The following CACNA1E variants were observed in gnomAD, a reference collection of about 807,000 sequenced individuals.
CACNA1E encodes voltage-dependent R-type calcium channel subunit alpha-1E.
CACNA1E carries 40 observed loss-of-function variants against 259.2 expected under a neutral mutation model. The observed-to-expected ratio is 0.15, with a 90% CI of 0.12 to 0.20. The LOEUF is 0.20. CACNA1E is among the 10% of genes least tolerant of loss of function. CACNA1E has a pLI of 1.00. For synonymous variants in CACNA1E, 1,104 were observed against 1,138.5 expected, an observed-to-expected ratio of 0.97 and a Z score of 0.61; for missense variants, 1,874 against 3,040.1, an observed-to-expected ratio of 0.62 and a Z score of 9.02.
intron 25 of CACNA1E, among the ~76,000 whole-genome samples, chr1:181,748,339 A>G (rs1397391314): frequency 6.6e-6 from 1 of 152,210 alleles, no homozygotes; most frequent in African/African-American, 2.4e-5. Flanking sequence ...ATATGTGGTA[A>G]TACAATGAAT....
At chr1:181,441,262 C>T (rs1267400475) in intron 2 of CACNA1E, among the ~76,000 whole-genome samples, 1 of 152,162 alleles carries the variant, frequency 6.6e-6, no homozygotes, top group African/African-American at 2.4e-5. Context: ...ATTCTTCTGC[C>T]TCAGCAGAAG....
At chr1:181,404,974 A>G (rs1657362354) in intron 1 of CACNA1E, among the ~76,000 whole-genome samples, 1 of 152,216 alleles carries the variant, frequency 6.6e-6, no homozygotes. Context: ...CTAGGTGGCA[A>G]CTCAGACTGG....
chr1:181,506,673 G>A (rs1665736782), intron 1 of CACNA1E, among the ~76,000 whole-genome samples: 1 of 152,224 alleles, frequency 6.6e-6, no homozygotes, highest in Non-Finnish European at 1.5e-5. Flanking sequence ...TGGCATTTCA[G>A]CTTGGTCTTG....
chr1:181,676,380 T>G (rs1232447558), intron 7 of CACNA1E, among the ~76,000 whole-genome samples: 1 of 152,192 alleles, frequency 6.6e-6, no homozygotes, highest in African/African-American at 2.4e-5. Flanking sequence ...TACATATGTT[T>G]CCATAATATA....
At chr1:181,320,955 T>C (rs1392045449) in intron 1 of CACNA1E, among the ~76,000 whole-genome samples, 2 of 152,138 alleles carry the variant, frequency 1.3e-5, no homozygotes, top group Admixed American at 1.3e-4. Context: ...ACAAGAAGCA[T>C]GGTGCCAACA....
At chr1:181,763,372 G>T (rs746591369) in intron 33 of CACNA1E, 34 bp from the exon 34 acceptor site, 2 of 1,535,352 alleles carry the variant, frequency 1.3e-6, no homozygotes, top group Non-Finnish European at 1.8e-6. Flanking sequence ...TCACCATAAT[G>T]TTCCTAATTA....
At chr1:181,743,922 C>T (rs1215616048) in intron 25 of CACNA1E, among the ~76,000 whole-genome samples, 6 of 152,246 alleles carry the variant, frequency 3.9e-5, no homozygotes, top group Non-Finnish European at 7.3e-5. Flanking sequence ...TACCATGGCC[C>T]GTGCATCAGT....
rs1037090752 is a variant in CACNA1E, at chr1:181,806,733, A to G, written c.*7899A>G. 5 of 152,246 alleles carry G rather than the reference A, an allele frequency of 3.3e-5. No individual in the cohort carries two copies. The highest frequency in any genetic ancestry group is 1.2e-4 in the African/African-American group (5 of 41,462). The allele number at this position is 152,246 out of a possible 1,614,324, so 9.4% of individuals were successfully genotyped here. On this transcript the variant is annotated 3_prime_UTR_variant, in exon 48 of 48. Coordinates refer to ENST00000367573, the MANE Select transcript of CACNA1E (RefSeq NM_001205293.3). ...AATAAAAGAAAGATGAAAAACTTTAATGTTTTGGGGGGGATAAAAGAAAAG... is the reference window on the plus strand; with the variant it reads ...AATAAAAGAAAGATGAAAAACTTTAGTGTTTTGGGGGGGATAAAAGAAAAG...
chr1:181,721,192 A>C (rs1380161018), intron 15 of CACNA1E, among the ~76,000 whole-genome samples: 2 of 152,262 alleles, frequency 1.3e-5, no homozygotes, highest in South Asian at 2.1e-4. Flanking sequence ...CCATTTAATG[A>C]GGTATCCATT....
intron 3 of CACNA1E, among the ~76,000 whole-genome samples, chr1:181,549,385 A>G (rs2102828182): frequency 6.6e-6 from 1 of 152,358 alleles, no homozygotes; most frequent in South Asian, 2.1e-4. Flanking sequence ...AGGGCTGAAG[A>G]GAGAGGGATC....
intron 3 of CACNA1E, among the ~76,000 whole-genome samples, chr1:181,514,935 A>G (rs1027730170): frequency 6.6e-5 from 10 of 152,148 alleles, no homozygotes; most frequent in Non-Finnish European, 1.0e-4. Flanking sequence ...TCATAATGCC[A>G]TAGAAAAGAC....
At chr1:181,406,404 T>C (rs944573442) in intron 1 of CACNA1E, among the ~76,000 whole-genome samples, 29 of 152,266 alleles carry the variant, frequency 1.9e-4, no homozygotes, top group Non-Finnish European at 5.9e-5. Context: ...CTTTCTTTTT[T>C]TTCTTTTTTT....
chr1:181,482,027 G>A (rs1430263262), upstream of CACNA1E, among the ~76,000 whole-genome samples: 4 of 152,134 alleles, frequency 2.6e-5, no homozygotes, highest in African/African-American at 9.7e-5. Context: ...CCGGGAGGCC[G>A]CCCCGTGAGG....
intron 2 of CACNA1E, among the ~76,000 whole-genome samples, chr1:181,416,260 G>C (rs1658268281): frequency 1.3e-5 from 2 of 152,204 alleles, no homozygotes; most frequent in Non-Finnish European, 2.9e-5. Context: ...GGCCATCTTG[G>C]TTCCAACCGA....
intron 7 of CACNA1E, among the ~76,000 whole-genome samples, chr1:181,660,175 T>C (rs976180756): frequency 6.6e-6 from 1 of 152,254 alleles, no homozygotes; most frequent in African/African-American, 2.4e-5. Context: ...GGAATTCTTC[T>C]GGTTGCATCT....
intron 6 of CACNA1E, among the ~76,000 whole-genome samples, chr1:181,635,573 A>T (rs1349829416): frequency 6.6e-6 from 1 of 152,204 alleles, no homozygotes; most frequent in African/African-American, 2.4e-5. Context: ...TTTAGCAAGC[A>T]TCACCTAAAG....
chr1:181,482,796 TC>T (rs1475377959), upstream of CACNA1E, among the ~76,000 whole-genome samples: 1 of 152,224 alleles, frequency 6.6e-6, no homozygotes, highest in Non-Finnish European at 1.5e-5. Context: ...TGCAACCTGT[TC>T]CTCGCCCGCC....
intron 1 of CACNA1E, among the ~76,000 whole-genome samples, chr1:181,497,710 G>A (rs1425043871): frequency 1.3e-5 from 2 of 152,182 alleles, no homozygotes; most frequent in African/African-American, 4.8e-5. Context: ...ATGCTGCCTT[G>A]GGTTAGACCA....
intron 2 of CACNA1E, among the ~76,000 whole-genome samples, chr1:181,472,351 G>C (rs1042563429): frequency 6.6e-6 from 1 of 152,168 alleles, no homozygotes; most frequent in Non-Finnish European, 1.5e-5. Context: ...TTGTATTAGA[G>C]ACTTGTGTTA....
Sources: allele counts gnomAD v4.1 joint callset (sites outside exome capture counted in the v4.1 genomes callset), GRCh38; gene constraint gnomAD v4.1.1; transcripts MANE v1.5; gene names NCBI Gene and HGNC (gene_info 2026-07-23, HGNC 2026-07-21).